MYO5A: variants seen among roughly 807,000 people sequenced by gnomAD.
The protein encoded by MYO5A is unconventional myosin-Va.
Under a neutral mutation model 249.7 loss-of-function variants are expected in MYO5A, and 98 were observed. The observed-to-expected ratio is 0.39, with a 90% CI of 0.33 to 0.46. MYO5A has a LOEUF of 0.46. Among genes scored for constraint, MYO5A ranks in the 20% least tolerant of loss-of-function variants. MYO5A has a pLI of 0.98. For missense variants in MYO5A, 1,696 were observed against 2,308.8 expected, an observed-to-expected ratio of 0.73 and a Z score of 5.44; for synonymous variants, 778 against 810.6, an observed-to-expected ratio of 0.96 and a Z score of 0.68.
intron 34 of MYO5A, chr15:52,331,883 T>C (rs1270255219): frequency 1.0e-6 from 1 of 984,532 alleles, no homozygotes; most frequent in African/African-American, 1.7e-5. Flanking sequence ...GCTACGGCCA[T>C]CTCCCATAAT....
chr15:52,334,987 A>G lies in MYO5A; in HGVS notation c.4408+1476T>C, dbSNP rs1430150707. Reference sequence around the variant, plus strand: ...CAGGAGAAGCAGGATGACCAAACAGAAGGAGCAGTTATGACAAGACCTGGC... The same window carrying G: ...CAGGAGAAGCAGGATGACCAAACAGGAGGAGCAGTTATGACAAGACCTGGC... On this transcript the variant is annotated intron_variant, in intron 34 of 41. Coordinates refer to ENST00000399233, the MANE Select transcript of MYO5A (RefSeq NM_001382347.1). Among the ~76,000 whole-genome samples, 4 of 152,314 alleles carry G rather than the reference A, an allele frequency of 2.6e-5. No individual in the cohort carries two copies. The East Asian group carries it at 7.7e-4, about 29-fold the overall frequency.
At chr15:52,443,182 C>A (rs896049719) in intron 1 of MYO5A, among the ~76,000 whole-genome samples, 1 of 152,160 alleles carries the variant, frequency 6.6e-6, no homozygotes, top group Non-Finnish European at 1.5e-5. Flanking sequence ...TCTAAGACAA[C>A]ATGTCAAAGC....
intron 1 of MYO5A, among the ~76,000 whole-genome samples, chr15:52,472,943 T>G (rs1171604567): frequency 1.3e-5 from 2 of 152,152 alleles, no homozygotes; most frequent in Admixed American, 6.5e-5. Context: ...GTATTTCTAG[T>G]TCTAGATCCT....
chr15:52,470,744 C>T (rs1251004729), intron 1 of MYO5A, among the ~76,000 whole-genome samples: 3 of 152,038 alleles, frequency 2.0e-5, no homozygotes, highest in African/African-American at 4.8e-5. Context: ...GGTTCTTGGC[C>T]GGGCACAGTG....
At chr15:52,400,922 C>T (rs2042723834) in intron 9 of MYO5A, among the ~76,000 whole-genome samples, 1 of 152,120 alleles carries the variant, frequency 6.6e-6, no homozygotes, top group South Asian at 2.1e-4. Flanking sequence ...ATTTTATCTA[C>T]ATTTGCCCAC....
chr15:52,371,849 G>A (rs984242661), intron 21 of MYO5A, among the ~76,000 whole-genome samples: 5 of 150,860 alleles, frequency 3.3e-5, no homozygotes, highest in Admixed American at 2.0e-4. Flanking sequence ...TAGCCTGGGC[G>A]ACAGAGTGAG....
In MYO5A at chr15:52,330,531, GT is replaced by G. The variant is rs776215283; in HGVS notation, c.4409-33del. The G allele has an allele frequency of 1.9e-5, 30 of 1,613,016 alleles. No homozygotes were observed. In the South Asian group the frequency reaches 2.7e-4, roughly 15 times the overall value. Reference sequence around the variant, plus strand: ...GAGAAGTAAGAAAGGAGGAGAAAATGTTTTCCATATAAAAAACATGAGAGGT... The same window carrying G: ...GAGAAGTAAGAAAGGAGGAGAAAATGTTTCCATATAAAAAACATGAGAGGT... On this transcript the variant is annotated intron_variant, in intron 34 of 41. Transcript: ENST00000399233.
intron 1 of MYO5A, among the ~76,000 whole-genome samples, chr15:52,494,558 T>A (rs2076999880): frequency 6.6e-6 from 1 of 152,218 alleles, no homozygotes; most frequent in African/African-American, 2.4e-5. Context: ...AGTGGCACCA[T>A]CTCGGCTCAC....
intron 5 of MYO5A, among the ~76,000 whole-genome samples, chr15:52,414,283 A>G (rs1418407041): frequency 2.0e-5 from 3 of 152,198 alleles, no homozygotes; most frequent in Non-Finnish European, 4.4e-5. Flanking sequence ...TGCCAGAGCC[A>G]TGCTTACTGT....
chr15:52,431,372 A>ATT (rs1481418312), intron 2 of MYO5A, among the ~76,000 whole-genome samples: 6 of 152,052 alleles, frequency 3.9e-5, no homozygotes, highest in African/African-American at 1.2e-4. Context: ...CTAAAAACAC[A>ATT]TTATATATAT....
intron 1 of MYO5A, among the ~76,000 whole-genome samples, chr15:52,457,032 C>A (rs1461300269): frequency 6.6e-6 from 1 of 152,126 alleles, no homozygotes; most frequent in Non-Finnish European, 1.5e-5. Flanking sequence ...ACCCACAGAA[C>A]TGGAGAAAAT....
intron 37 of MYO5A, among the ~76,000 whole-genome samples, chr15:52,323,120 C>G (rs1475421362): frequency 6.6e-6 from 1 of 152,196 alleles, no homozygotes; most frequent in Non-Finnish European, 1.5e-5. Flanking sequence ...TAACTATTCA[C>G]TGACCAATGC....
chr15:52,346,338 G>A (rs377758999), intron 30 of MYO5A, 23 bp downstream of exon 30: 13 of 1,420,940 alleles, frequency 9.1e-6, no homozygotes, highest in Admixed American at 5.1e-5. Flanking sequence ...AAACCAAAAT[G>A]AATAAAAGAA....
chr15:52,375,570 T>C (rs1463079980), intron 19 of MYO5A, 110 bp from the exon 20 acceptor site: 16 of 1,109,048 alleles, frequency 1.4e-5, no homozygotes, highest in Admixed American at 5.9e-5. Flanking sequence ...AGTACCTCCA[T>C]TGTATTATTC....
chr15:52,380,729 T>G (rs560392974), intron 16 of MYO5A, among the ~76,000 whole-genome samples: 1 of 152,332 alleles, frequency 6.6e-6, no homozygotes, highest in African/African-American at 2.4e-5. Flanking sequence ...ACCACGCCAT[T>G]GCATTCCAGC....
chr15:52,524,778 G>A (rs1018958525), intron 1 of MYO5A, among the ~76,000 whole-genome samples: 1 of 151,916 alleles, frequency 6.6e-6, no homozygotes, highest in East Asian at 1.9e-4. Context: ...TGAGGTGGGA[G>A]GACAGCTTGA....
chr15:52,441,080 C>T (rs1332081392), intron 1 of MYO5A, among the ~76,000 whole-genome samples: 1 of 152,192 alleles, frequency 6.6e-6, no homozygotes, highest in African/African-American at 2.4e-5. Flanking sequence ...CCTCTGAAAT[C>T]TGACATTAAT....
rs1328517692 is a variant in MYO5A at position 52,353,914 on chromosome 15, T to C, written c.3524A>G (p.Glu1175Gly). Residue 1175 changes from glutamate to glycine, a missense_variant, in exon 26 of 42, where the codon GAG becomes GGG. By Grantham distance (98) the Glu-to-Gly change is moderately conservative (BLOSUM62 -2). This residue lies in a region of MYO5A where 625 missense variants were observed against 908.1 expected (regional missense o/e 0.69). Transcript: ENST00000399233. The part of the protein sequence containing the change: ...LEQEKQVMQD[E>G]LDRKEEQVLR... The stretch of plus-strand genomic sequence containing the variant: ...CACCTGCTCCTCCTTGCGGTCCAGC[T>C]CATCCTGCATCACCTGCTTCTCCTG... 6.2e-7 allele frequency: 1 copy of C among 1,614,234 alleles called. No individual in the cohort carries two copies. The highest frequency in any genetic ancestry group is 2.2e-5 in the East Asian group (1 of 44,884).
In MYO5A at chr15:52,348,810, A is replaced by G. The variant is rs747290982; in HGVS notation, c.3858+8T>C. ...GTATTTACTAAAAAAAAAAAAAGGT[A>G]TAATTACCTTGTCATCCTGAGAATC... On this transcript the variant is annotated splice_region_variant and intron_variant, in intron 29 of 41. Coordinates refer to ENST00000399233, the MANE Select transcript of MYO5A (RefSeq NM_001382347.1). 6.4e-7 allele frequency: 1 copy of G among 1,560,510 alleles called. No individual in the cohort carries two copies. Among genetic ancestry groups the G allele is most frequent in the Non-Finnish European group, 8.7e-7 (1 of 1,147,418 alleles).
Sources: gnomAD v4.1 joint callset for allele counts (sites outside exome capture counted in the v4.1 genomes callset) on GRCh38, gnomAD v4.1.1 for gene constraint, gnomAD v4.1.1 regional missense constraint, MANE v1.5 for transcripts, NCBI Gene and HGNC (gene_info 2026-07-23, HGNC 2026-07-21) for gene names.